The following SNX3 variants were observed in gnomAD, a reference collection of about 807,000 sequenced individuals.
The protein encoded by SNX3 is sorting nexin 3.
SNX3 carries 5 observed loss-of-function variants against 17.7 expected under a neutral mutation model. The ratio of observed to expected loss-of-function variants is 0.28; its 90% CI spans 0.15 to 0.59. The LOEUF (loss-of-function observed/expected upper bound fraction) is 0.59, where lower values mean the gene tolerates loss of function less well. SNX3 is among the 20% of genes least tolerant of loss of function. SNX3 has a pLI of 0.88. For synonymous variants in SNX3, 91 were observed against 76.5 expected (o/e 1.19, Z -0.99); for missense variants, 132 against 206.8 (o/e 0.64, Z 2.22).
At chr6:108,227,745 C>T (rs948341106) in intron 1 of SNX3, among the ~76,000 whole-genome samples, 3 of 151,964 alleles carry the variant, frequency 2.0e-5, no homozygotes, top group African/African-American at 7.2e-5. Flanking sequence ...GCCTGTTAAA[C>T]GTCTTCCTCA....
Position 108,212,022 on chromosome 6 carries a change from G to C in SNX3, c.*127C>G. The C allele has an allele frequency of 1.7e-6, 1 of 573,424 alleles. No homozygotes were observed. The highest frequency in any genetic ancestry group is 3.1e-6 in the Non-Finnish European group (1 of 324,042). 35.5% of individuals were successfully genotyped at this position (573,424 alleles called of 1,614,324 possible). On this transcript the variant is annotated 3_prime_UTR_variant, in exon 4 of 4. Coordinates refer to ENST00000230085, the MANE Select transcript of SNX3 (RefSeq NM_003795.6). ...AACTGCCAAAACAAAACAAAACTGAGCATATGAGTGTTAGTATACTGAAGG... is the reference window on the plus strand; with the variant it reads ...AACTGCCAAAACAAAACAAAACTGACCATATGAGTGTTAGTATACTGAAGG...
At chr6:108,238,748 A>C (rs978319583) in intron 1 of SNX3, among the ~76,000 whole-genome samples, 2 of 152,214 alleles carry the variant, frequency 1.3e-5, no homozygotes, top group Non-Finnish European at 2.9e-5. Flanking sequence ...AGAAACACAC[A>C]AAGTTCAAAT....
intron 1 of SNX3, among the ~76,000 whole-genome samples, chr6:108,235,702 C>A (rs2114736172): frequency 6.6e-6 from 1 of 152,224 alleles, no homozygotes; most frequent in East Asian, 1.9e-4. Context: ...TCACGACTAG[C>A]CTGCCCAATA....
intron 1 of SNX3, among the ~76,000 whole-genome samples, chr6:108,232,763 A>G (rs1562428468): frequency 6.6e-6 from 1 of 152,210 alleles, no homozygotes; most frequent in East Asian, 1.9e-4. Context: ...ATTTCTCCAA[A>G]TATCTACATC....
At chr6:108,213,637 G>A (rs566344742) in intron 3 of SNX3, among the ~76,000 whole-genome samples, 1 of 144,346 alleles carries the variant, frequency 6.9e-6, no homozygotes, top group African/African-American at 2.6e-5. Flanking sequence ...GGGCGACAGA[G>A]CAAGACTGTC....
intron 1 of SNX3, among the ~76,000 whole-genome samples, chr6:108,239,938 T>A (rs1189004292): frequency 6.6e-6 from 1 of 151,994 alleles, no homozygotes; most frequent in Non-Finnish European, 1.5e-5. Flanking sequence ...AGCATAATAA[T>A]GTGAAGAAAA....
rs560568586 is a variant in SNX3, at chr6:108,232,582, T to C, written c.163-9537A>G. 3.9e-4 allele frequency among the ~76,000 whole-genome samples: 59 copies of C among 152,280 alleles called. 1 individual carries two copies. The highest frequency in any genetic ancestry group is 1.4e-3 in the African/African-American group (59 of 41,556). The stretch of plus-strand genomic sequence containing the variant: ...CCTGAATATAGCTTAACAATAGATA[T>C]TAGAAAAATGTTTACTAGGTGTTTC... On this transcript the variant is annotated intron_variant, in intron 1 of 3. Coordinates refer to ENST00000230085, the MANE Select transcript of SNX3 (RefSeq NM_003795.6).
intron 1 of SNX3, among the ~76,000 whole-genome samples, chr6:108,251,216 CACTT>C (rs1775847290): frequency 6.6e-6 from 1 of 152,108 alleles, no homozygotes; most frequent in Non-Finnish European, 1.5e-5. Flanking sequence ...AAAACTTACT[CACTT>C]AAGACTTCCA....
At chr6:108,241,160 A>C (rs1185907778) in intron 1 of SNX3, among the ~76,000 whole-genome samples, 4 of 151,342 alleles carry the variant, frequency 2.6e-5, no homozygotes, top group Admixed American at 2.6e-4. Flanking sequence ...AAAAAAAAAA[A>C]AAAAAAAAAG....
chr6:108,234,518 T>G (rs1775265784), intron 1 of SNX3, among the ~76,000 whole-genome samples: 1 of 152,086 alleles, frequency 6.6e-6, no homozygotes, highest in Non-Finnish European at 1.5e-5. Context: ...ACCACTGCAC[T>G]CTAGCCTGGG....
chr6:108,220,824 A>T (rs557918377), intron 2 of SNX3, among the ~76,000 whole-genome samples: 3 of 151,626 alleles, frequency 2.0e-5, no homozygotes, highest in Non-Finnish European at 4.4e-5. Context: ...CTAAAAATAT[A>T]AAAAAAATTA....
intron 1 of SNX3, among the ~76,000 whole-genome samples, chr6:108,238,121 C>CAAAA (rs1420972302): frequency 8.7e-6 from 1 of 114,492 alleles, no homozygotes; most frequent in Non-Finnish European, 1.8e-5. Flanking sequence ...AAAAAAAAAA[C>CAAAA]AAACAAAAAA....
Position 108,214,513 on chromosome 6 carries a change from T to G in SNX3, c.368A>C (p.Glu123Ala). Residue 123 changes from glutamate to alanine, a missense_variant, in exon 3 of 4, where the codon GAG (glutamate) becomes GCG (alanine). Physicochemically the swap from Glu to Ala is moderately radical, Grantham distance 107 (BLOSUM62 -1). This residue lies in a region of SNX3 where 54 missense variants were observed against 118.0 expected (regional missense o/e 0.46). Coordinates refer to ENST00000230085, the MANE Select transcript of SNX3 (RefSeq NM_003795.6). ...AAGCACTTACTTGTTTATAAACTGCTCCAGCCCTTGTTTTCTTTCCTCAAT... is the reference window on the plus strand; with the variant it reads ...AAGCACTTACTTGTTTATAAACTGCGCCAGCCCTTGTTTTCTTTCCTCAAT... ...NFIEERKQGL[E>A]QFINKVAGHP... is the part of the protein sequence containing the mutation. The G allele has an allele frequency of 6.2e-7, 1 of 1,613,798 alleles. No individual in the cohort carries two copies. Among genetic ancestry groups the G allele is most frequent in the East Asian group, 2.2e-5 (1 of 44,874 alleles).
intron 1 of SNX3, among the ~76,000 whole-genome samples, chr6:108,252,778 T>C (rs1237435004): frequency 1.3e-5 from 2 of 152,056 alleles, no homozygotes; most frequent in African/African-American, 4.8e-5. Flanking sequence ...TAGCTGGGAT[T>C]ATAGGCATGC....
intron 1 of SNX3, among the ~76,000 whole-genome samples, chr6:108,242,312 T>A (rs1314915779): frequency 1.3e-5 from 2 of 152,068 alleles, no homozygotes; most frequent in Non-Finnish European, 2.9e-5. Flanking sequence ...AATCTATACA[T>A]CCAAGAAGCT....
rs1435847976 is a variant in SNX3, at chr6:108,222,935, ATAAATCATTC to A, written c.258+5_258+14del. 1 of 1,498,496 alleles carries A rather than the reference ATAAATCATTC, an allele frequency of 6.7e-7. No homozygotes were observed. Among genetic ancestry groups the A allele is most frequent in the Non-Finnish European group, 9.3e-7 (1 of 1,079,854 alleles). 92.8% of individuals were successfully genotyped at this position (1,498,496 alleles called of 1,614,324 possible). A position where few individuals can be genotyped will look rare whatever the true frequency, so the allele number is the denominator to read the frequency against. On this transcript the variant is annotated splice_donor_5th_base_variant and intron_variant, in intron 2 of 3. Transcript: ENST00000230085. ...GAATGTTTTGCTTTAAAGTTGCATC[ATAAATCATTC>A]TTACCTTGCTCTCTCTTTCTAATTC...
At chr6:108,249,063 A>G (rs768487136) in intron 1 of SNX3, among the ~76,000 whole-genome samples, 2 of 152,206 alleles carry the variant, frequency 1.3e-5, no homozygotes, top group African/African-American at 2.4e-5. Flanking sequence ...ATGTAAGAAT[A>G]CAAAACATTA....
chr6:108,252,004 G>A (rs577497454), intron 1 of SNX3, among the ~76,000 whole-genome samples: 40 of 151,634 alleles, frequency 2.6e-4, no homozygotes, highest in African/African-American at 8.8e-4. Flanking sequence ...GGCAGAGGCT[G>A]CAGTAAGCTG....
chr6:108,221,112 G>A (rs1346669635), intron 2 of SNX3, among the ~76,000 whole-genome samples: 1 of 152,094 alleles, frequency 6.6e-6, no homozygotes, highest in Non-Finnish European at 1.5e-5. Context: ...CAGCCCTACT[G>A]AAATTTCTAC....
Sources: gnomAD v4.1 joint callset for allele counts (sites outside exome capture counted in the v4.1 genomes callset) on GRCh38, gnomAD v4.1.1 for gene constraint, gnomAD v4.1.1 regional missense constraint, MANE v1.5 for transcripts, NCBI Gene and HGNC (gene_info 2026-07-23, HGNC 2026-07-21) for gene names.